Variants in PTPRS observed in about 807,000 individuals in gnomAD.
PTPRS encodes the protein protein tyrosine phosphatase receptor type S.
In PTPRS, 63 loss-of-function variants were observed where a neutral mutation model predicts 215.3. The ratio of observed to expected loss-of-function variants is 0.29; its 90% CI spans 0.24 to 0.36. PTPRS has a LOEUF of 0.36. Among genes scored for constraint, PTPRS ranks in the 10% least tolerant of loss-of-function variants. The pLI, the probability that PTPRS is intolerant of heterozygous loss-of-function variation, is 1.00. For missense variants in PTPRS, 2,258 were observed against 2,825.8 expected (o/e 0.80, Z 4.56); for synonymous variants, 1,404 against 1,191.4 (o/e 1.18, Z -3.68).
At chr19:5,302,800 G>A (rs770735710) in intron 1 of PTPRS, among the ~76,000 whole-genome samples, 72 of 151,486 alleles carry the variant, frequency 4.8e-4, no homozygotes, top group Non-Finnish European at 6.5e-4. Context: ...GCTCACGCCT[G>A]TAATCCCAGC....
chr19:5,287,268 C>T lies in PTPRS; in HGVS notation c.-94-1034G>A, dbSNP rs899916387. On this transcript the variant is annotated intron_variant, in intron 1 of 37. Coordinates refer to ENST00000262963, the MANE Select transcript of PTPRS (RefSeq NM_002850.4). The surrounding 1 kb of genome is among the most constrained non-coding windows in gnomAD (Gnocchi z 4.8). ...AAACCCTTCTCTGCCCCTCAAAGGT[C>T]AATTCCCCCTACATTCTACATCCCG... Among the ~76,000 whole-genome samples, 1 of 152,210 alleles carries T rather than the reference C, an allele frequency of 6.6e-6. No homozygotes were observed. Among genetic ancestry groups the T allele is most frequent in the Non-Finnish European group, 1.5e-5 (1 of 68,044 alleles).
chr19:5,219,876 G>A (rs2041822538), intron 22 of PTPRS, 63 bp downstream of exon 22: 1 of 1,543,826 alleles, frequency 6.5e-7, no homozygotes, highest in African/African-American at 1.4e-5. Flanking sequence ...AGGGCCCTGG[G>A]GAATGGGGTC....
At chr19:5,314,906 G>A (rs2147176704) in intron 1 of PTPRS, among the ~76,000 whole-genome samples, 1 of 152,298 alleles carries the variant, frequency 6.6e-6, no homozygotes, top group South Asian at 2.1e-4. Context: ...TTGCTGGAAA[G>A]CAACACCCAC....
chr19:5,246,094 G>A, intron 9 of PTPRS, 49 bp from the exon 10 acceptor site: 1 of 1,237,120 alleles, frequency 8.1e-7, no homozygotes, highest in Non-Finnish European at 1.1e-6. Flanking sequence ...GAGGGGTGAG[G>A]TGGGGTGAGG....
chr19:5,308,643 C>T (rs1209861489), intron 1 of PTPRS, among the ~76,000 whole-genome samples: 1 of 152,172 alleles, frequency 6.6e-6, no homozygotes, highest in East Asian at 1.9e-4. Context: ...TGCAGACTCA[C>T]GTTCAGCAGT....
chr19:5,261,375 G>A (rs555240281), intron 6 of PTPRS, among the ~76,000 whole-genome samples: 8 of 152,284 alleles, frequency 5.3e-5, no homozygotes, highest in South Asian at 2.1e-4. Context: ...CAGACAGGCC[G>A]AGTAGGAGGG....
intron 11 of PTPRS, among the ~76,000 whole-genome samples, chr19:5,242,290 G>T (rs574495136): frequency 6.6e-6 from 1 of 152,074 alleles, no homozygotes; most frequent in African/African-American, 2.4e-5. Flanking sequence ...ACAGCCACTG[G>T]GATCTACCCG....
intron 1 of PTPRS, among the ~76,000 whole-genome samples, chr19:5,336,034 G>A (rs1229604990): frequency 6.6e-6 from 1 of 151,396 alleles, no homozygotes; most frequent in Non-Finnish European, 1.5e-5. Context: ...AAAAAAGAGA[G>A]AGACAAAAAT....
intron 1 of PTPRS, among the ~76,000 whole-genome samples, chr19:5,290,929 C>T (rs900439011): frequency 8.6e-5 from 13 of 151,886 alleles, no homozygotes; most frequent in Admixed American, 7.9e-4. Flanking sequence ...GGACAGGCAG[C>T]GAGGGCCCCC....
intron 6 of PTPRS, among the ~76,000 whole-genome samples, chr19:5,262,694 C>T (rs74777274): frequency 1.4e-3 from 213 of 152,342 alleles, no homozygotes; most frequent in African/African-American, 4.9e-3. Context: ...GTCTGCCTGG[C>T]CTTGTCTCTT....
At chr19:5,271,459 G>A (rs916244875) in intron 4 of PTPRS, among the ~76,000 whole-genome samples, 2 of 150,314 alleles carry the variant, frequency 1.3e-5, no homozygotes, top group African/African-American at 2.5e-5. Flanking sequence ...GTGCGATGGC[G>A]TGATCTCGGC....
At chr19:5,250,271 AGGT>A (rs774762690) in intron 9 of PTPRS, among the ~76,000 whole-genome samples, 2 of 152,196 alleles carry the variant, frequency 1.3e-5, no homozygotes, top group African/African-American at 2.4e-5. Context: ...CATTGGCACT[AGGT>A]GGTTCAGATC....
chr19:5,299,326 C>G (rs1319221553), intron 1 of PTPRS, among the ~76,000 whole-genome samples: 1 of 152,280 alleles, frequency 6.6e-6, no homozygotes, highest in East Asian at 1.9e-4. Context: ...CTCGCTGTTC[C>G]TCCAGCACCC....
rs759563709 is a variant in PTPRS at position 5,210,568 on chromosome 19, G to A, written c.5388C>T (p.Ala1796=). The A allele has an allele frequency of 1.4e-5, 22 of 1,614,040 alleles. No individual in the cohort carries two copies. Among genetic ancestry groups the A allele is most frequent in the Middle Eastern group, 1.6e-4 (1 of 6,084 alleles). Reference sequence around the variant, plus strand: ...AGTACTGGTAGCGGGCAGAGCGCTCGGCCGGCCAGTACTGGTGACACTTCT... The same window carrying A: ...AGTACTGGTAGCGGGCAGAGCGCTCAGCCGGCCAGTACTGGTGACACTTCT... ...GREKCHQYWP[A]ERSARYQYFV... is the part of the protein sequence containing the mutation. Residue 1796 remains alanine, a synonymous_variant, in exon 35 of 38, where the codon GCC becomes GCT. Transcript: ENST00000262963. This position sits in a 1 kb window ranked among gnomAD's most constrained non-coding sequence, Gnocchi z 4.5.
chr19:5,312,698 G>C (rs1426166652), intron 1 of PTPRS, among the ~76,000 whole-genome samples: 5 of 151,938 alleles, frequency 3.3e-5, no homozygotes, highest in African/African-American at 4.8e-5. Context: ...AATAGCAATA[G>C]TAACAATAAC....
At chr19:5,323,050 C>T (rs993780110) in intron 1 of PTPRS, among the ~76,000 whole-genome samples, 11 of 152,050 alleles carry the variant, frequency 7.2e-5, no homozygotes, top group South Asian at 4.1e-4. Context: ...AGGAGAGAAG[C>T]AGATAATGAG....
chr19:5,213,071 T>C lies in PTPRS; in HGVS notation c.4615-580A>G, dbSNP rs1316996236. ...ACAGCTTGGGAGTCACCCTTAACTC[T>C]TCCCCTCTCACATCCAACACCTCAC... is the stretch of plus-strand genomic sequence containing the variant. On this transcript the variant is annotated intron_variant, in intron 30 of 37. Coordinates refer to ENST00000262963, the MANE Select transcript of PTPRS (RefSeq NM_002850.4). Among the ~76,000 whole-genome samples, 5 of 152,106 alleles carry C rather than the reference T, an allele frequency of 3.3e-5. No homozygotes were observed. The East Asian group carries it at 7.7e-4, about 23-fold the overall frequency.
In PTPRS at chr19:5,223,312, G is replaced by T; in HGVS notation, c.2495-15C>A. ...GCGGCCCAGCACTGCGGGGATACGG[G>T]GCAGGTGTCAGGGTCCCAGCGCCAT... is the stretch of plus-strand genomic sequence containing the variant. On this transcript the variant is annotated splice_polypyrimidine_tract_variant and intron_variant, in intron 17 of 37. Transcript: ENST00000262963. 1 of 1,444,284 alleles carries T rather than the reference G, an allele frequency of 6.9e-7. No homozygotes were observed. Among genetic ancestry groups the T allele is most frequent in the Non-Finnish European group, 9.0e-7 (1 of 1,106,762 alleles). 89.5% of individuals were successfully genotyped at this position (1,444,284 alleles called of 1,614,324 possible). A position where few individuals can be genotyped will look rare whatever the true frequency, so the allele number is the denominator to read the frequency against.
intron 1 of PTPRS, among the ~76,000 whole-genome samples, chr19:5,324,063 C>A (rs143325065): frequency 6.6e-6 from 1 of 151,834 alleles, no homozygotes; most frequent in Admixed American, 6.6e-5. Flanking sequence ...AACCCCATCT[C>A]TACAAAAAAT....
Sources: allele counts gnomAD v4.1 joint callset (sites outside exome capture counted in the v4.1 genomes callset), GRCh38; gene constraint gnomAD v4.1.1; non-coding constraint Gnocchi (gnomAD v3.1); transcripts MANE v1.5; gene names NCBI Gene and HGNC (gene_info 2026-07-23, HGNC 2026-07-21).